Variants in PLAA observed in about 807,000 individuals in gnomAD.
The protein encoded by PLAA is phospholipase A2 activating protein.
PLAA carries 48 observed loss-of-function variants against 84.1 expected under a neutral mutation model. The observed-to-expected ratio is 0.57, with a 90% CI of 0.45 to 0.73. The LOEUF (loss-of-function observed/expected upper bound fraction) is 0.73. PLAA is among the 30% of genes least tolerant of loss of function. The pLI, the probability that PLAA is intolerant of heterozygous loss-of-function variation, is 0.00. For synonymous variants in PLAA, 392 were observed against 336.6 expected, an observed-to-expected ratio of 1.16 and a Z score of -1.80; for missense variants, 903 against 954.7, an observed-to-expected ratio of 0.95 and a Z score of 0.71.
chr9:26,937,084 T>G (rs1307925890), intron 1 of PLAA, among the ~76,000 whole-genome samples: 3 of 151,812 alleles, frequency 2.0e-5, no homozygotes, highest in Non-Finnish European at 4.4e-5. Flanking sequence ...AAGGTTGCAG[T>G]GAGCCAAGAT....
chr9:26,903,521 A>C lies in PLAA; in HGVS notation c.*1990T>G, dbSNP rs188361440. On this transcript the variant is annotated 3_prime_UTR_variant, in exon 14 of 14. Coordinates refer to ENST00000397292, the MANE Select transcript of PLAA (RefSeq NM_001031689.3). ...AGTCACTATGCCACAAGATGTTAAG[A>C]ATAGTTTTCTCTAGATAGTGGCCTT... Among the ~76,000 whole-genome samples the C allele has an allele frequency of 6.6e-6, 1 of 152,358 alleles. No homozygotes were observed. The highest frequency in any genetic ancestry group is 6.5e-5 in the Admixed American group (1 of 15,308).
chr9:26,908,101 G>T (rs1226748327), intron 12 of PLAA, 103 bp from the exon 13 acceptor site: 1 of 772,498 alleles, frequency 1.3e-6, no homozygotes, highest in East Asian at 2.6e-5. Flanking sequence ...TACACCATGG[G>T]GAGTTAAGAC....
At chr9:26,912,924 C>CA (rs1481532692) in intron 11 of PLAA, among the ~76,000 whole-genome samples, 1 of 152,072 alleles carries the variant, frequency 6.6e-6, no homozygotes, top group African/African-American at 2.4e-5. Flanking sequence ...AAATAGCTTA[C>CA]AAAATCACAT....
intron 9 of PLAA, chr9:26,919,084 C>G (rs1587161251): frequency 2.6e-6 from 1 of 385,284 alleles, no homozygotes; most frequent in Non-Finnish European, 4.6e-6. Context: ...AACTGAAATT[C>G]CATTATAGTA....
intron 12 of PLAA, among the ~76,000 whole-genome samples, chr9:26,909,297 A>G (rs12004792): frequency 0.031 from 4,706 of 152,316 alleles, 94 homozygotes; most frequent in Middle Eastern, 0.054. Flanking sequence ...AAGGAATGCA[A>G]AAGTCTAAAT....
rs374665187 is a variant in PLAA at position 26,907,987 on chromosome 9, C to G, written c.1669G>C (p.Glu557Gln). 9 of 1,584,130 alleles carry G rather than the reference C, an allele frequency of 5.7e-6. 1 individual carries two copies. In the South Asian group the frequency reaches 5.9e-5, roughly 10 times the overall value. Residue 557 changes from glutamate to glutamine, a missense_variant, in exon 13 of 14, where the codon GAA (glutamate) becomes CAA (glutamine). Coordinates refer to ENST00000397292, the MANE Select transcript of PLAA (RefSeq NM_001031689.3). ...TCTTCAGGTGCAGTTCCATTAAGTT[C>G]CTTCAGTTTACCTAGAACCCAAAAC... The part of the protein sequence containing the change: ...NPTQILGKLK[E>Q]LNGTAPEEKK...
At position 26,923,414 on chromosome 9, in the gene PLAA, T is replaced by G. The variant is rs993178728; in HGVS notation, c.870-67A>C. ...ATACATTAACATTATCACACCTGAA[T>G]GATCCATAGTAAAAATAATCTGTGT... On this transcript the variant is annotated intron_variant, in intron 6 of 13. Coordinates refer to ENST00000397292, the MANE Select transcript of PLAA (RefSeq NM_001031689.3). The G allele has an allele frequency of 4.6e-6, 5 of 1,096,992 alleles. No homozygotes were observed. The African/African-American group carries it at 7.8e-5, about 17-fold the overall frequency. The allele number at this position is 1,096,992 out of a possible 1,614,324, so 68.0% of individuals were successfully genotyped here.
chr9:26,942,637 C>A (rs527545989), intron 1 of PLAA, among the ~76,000 whole-genome samples: 60 of 152,168 alleles, frequency 3.9e-4, no homozygotes, highest in Non-Finnish European at 7.5e-4. Flanking sequence ...AATCCGAGCA[C>A]TTTGGGAGGC....
chr9:26,912,544 ACTAAGGTATATAAAG>A (rs1435867290), intron 11 of PLAA, among the ~76,000 whole-genome samples: 5 of 152,178 alleles, frequency 3.3e-5, no homozygotes, highest in African/African-American at 1.2e-4. Flanking sequence ...ATTAGCTTGT[ACTAAGGTATATAAAG>A]CTTCAATATA....
chr9:26,908,434 G>A (rs1341349168), intron 12 of PLAA, among the ~76,000 whole-genome samples: 1 of 151,450 alleles, frequency 6.6e-6, no homozygotes, highest in African/African-American at 2.4e-5. Context: ...CCGAAGTGCT[G>A]TGATTACAGG....
rs747127990 is a variant in PLAA at position 26,905,940 on chromosome 9, T to C, written c.1959A>G (p.Pro653=). The change falls in exon 14 of 14, where the codon CCA becomes CCG. Residue 653 remains proline (P), a synonymous_variant. Coordinates refer to ENST00000397292, the MANE Select transcript of PLAA (RefSeq NM_001031689.3). ...TCCTGAGAGCAAGCAGCTGGTTTGC[T>C]GGCTTTCCTTTAGGGTTCAGAAGAT... The part of the protein sequence containing the change: ...LINLLNPKGK[P]ANQLLALRTF... 3.1e-6 allele frequency: 5 copies of C among 1,614,112 alleles called. No individual in the cohort carries two copies. Among genetic ancestry groups the C allele is most frequent in the Admixed American group, 1.7e-5 (1 of 60,004 alleles).
In PLAA at chr9:26,947,055, C is replaced by A; in HGVS notation, c.-10G>T. On this transcript the variant is annotated 5_prime_UTR_variant, in exon 1 of 14. Transcript: ENST00000397292. Reference sequence around the variant, plus strand: ...TTGCGCCGCTCGTCATGGCCAGTGTCTGTCTGGCGCCCGGTGCCCAGGCAC... The same window carrying A: ...TTGCGCCGCTCGTCATGGCCAGTGTATGTCTGGCGCCCGGTGCCCAGGCAC... The A allele has an allele frequency of 6.4e-7, 1 of 1,567,712 alleles. No individual in the cohort carries two copies. The highest frequency in any genetic ancestry group is 8.6e-7 in the Non-Finnish European group (1 of 1,157,578).
intron 2 of PLAA, among the ~76,000 whole-genome samples, chr9:26,932,575 A>G (rs1825220923): frequency 6.6e-6 from 1 of 152,176 alleles, no homozygotes; most frequent in African/African-American, 2.4e-5. Flanking sequence ...CAGAAAATTT[A>G]TTTACTATCT....
At chr9:26,927,641 TAAACC>T (rs1825020250) in intron 4 of PLAA, among the ~76,000 whole-genome samples, 1 of 152,214 alleles carries the variant, frequency 6.6e-6, no homozygotes, top group Non-Finnish European at 1.5e-5. Flanking sequence ...ATACTCACCA[TAAACC>T]ACAACATAAA....
At chr9:26,910,523 A>G (rs1226260824) in intron 11 of PLAA, 84 bp from the exon 12 acceptor site, 7 of 993,804 alleles carry the variant, frequency 7.0e-6, no homozygotes, top group Non-Finnish European at 1.1e-5. Context: ...AGTTTTCACA[A>G]TTATTGAGAT....
At chr9:26,938,948 T>G (rs1174452085) in intron 1 of PLAA, among the ~76,000 whole-genome samples, 1 of 152,184 alleles carries the variant, frequency 6.6e-6, no homozygotes, top group Non-Finnish European at 1.5e-5. Flanking sequence ...AAGATGGAGC[T>G]ATAAAGAAGA....
At chr9:26,922,754 CCTT>C (rs1824811828) in intron 7 of PLAA, among the ~76,000 whole-genome samples, 2 of 151,546 alleles carry the variant, frequency 1.3e-5, no homozygotes, top group African/African-American at 2.4e-5. Context: ...GCAGCCTCAA[CCTT>C]CTGGGCTCAA....
chr9:26,913,753 G>A lies in PLAA; in HGVS notation c.1555+126C>T, dbSNP rs955473829. On this transcript the variant is annotated intron_variant, in intron 11 of 13. Transcript: ENST00000397292. ...AAAACTCAAAAAGCCAGACAAGTTT[G>A]GTCTCGATTTACTATATAAAAAGTT... is the stretch of plus-strand genomic sequence containing the variant. 5 of 609,916 alleles carry A rather than the reference G, an allele frequency of 8.2e-6. No homozygotes were observed. The African/African-American group carries it at 9.2e-5, about 11-fold the overall frequency. The allele number at this position is 609,916 out of a possible 1,614,324, so 37.8% of individuals were successfully genotyped here. A position where few individuals can be genotyped will look rare whatever the true frequency, so the allele number is the denominator to read the frequency against.
intron 1 of PLAA, among the ~76,000 whole-genome samples, chr9:26,939,104 C>A (rs1461395768): frequency 6.6e-6 from 1 of 152,044 alleles, no homozygotes; most frequent in Non-Finnish European, 1.5e-5. Flanking sequence ...CATAAATAAA[C>A]TAGGCCGGGC....
Sources: gnomAD v4.1 joint callset for allele counts (sites outside exome capture counted in the v4.1 genomes callset) on GRCh38, gnomAD v4.1.1 for gene constraint, MANE v1.5 for transcripts, NCBI Gene and HGNC (gene_info 2026-07-23, HGNC 2026-07-21) for gene names.